SIPA1L3: variants seen among roughly 807,000 people sequenced by gnomAD.
SIPA1L3 encodes the protein signal induced proliferation associated 1 like 3, also known as signal-induced proliferation-associated 1-like protein 3.
Under a neutral mutation model 150.1 loss-of-function variants are expected in SIPA1L3, and 59 were observed. That is an observed-to-expected ratio of 0.39 (90% CI 0.32 to 0.49). SIPA1L3 has a LOEUF of 0.49. SIPA1L3 is among the 20% of genes least tolerant of loss of function. The pLI is 0.86. For missense variants in SIPA1L3, 2,211 were observed against 2,489.5 expected, an observed-to-expected ratio of 0.89 and a Z score of 2.38; for synonymous variants, 1,070 against 1,077.6, an observed-to-expected ratio of 0.99 and a Z score of 0.14.
At chr19:38,136,204 A>G (rs564175747) in intron 10 of SIPA1L3, among the ~76,000 whole-genome samples, 12 of 150,592 alleles carry the variant, frequency 8.0e-5, no homozygotes, top group South Asian at 2.1e-4. Flanking sequence ...AAAAAAAAAA[A>G]AAGAAGAATG....
At chr19:38,201,694 T>C (rs576828895) in intron 19 of SIPA1L3, among the ~76,000 whole-genome samples, 168 bp from the exon 20 acceptor site, 6 of 152,162 alleles carry the variant, frequency 3.9e-5, no homozygotes, top group Non-Finnish European at 8.8e-5. Flanking sequence ...TTGTTTTGTG[T>C]GTTCATTTGG....
intron 10 of SIPA1L3, among the ~76,000 whole-genome samples, chr19:38,140,940 C>A (rs566041187): frequency 6.6e-6 from 1 of 151,634 alleles, no homozygotes; most frequent in African/African-American, 2.4e-5. Context: ...TGCCTGTAGT[C>A]CCAGCTACTC....
At chr19:38,057,073 C>G (rs548773560) in intron 2 of SIPA1L3, among the ~76,000 whole-genome samples, 1 of 152,064 alleles carries the variant, frequency 6.6e-6, no homozygotes, top group African/African-American at 2.4e-5. Flanking sequence ...GGGTTCGAGA[C>G]CAGTCTGGCC....
At chr19:38,182,497 CT>C in intron 15 of SIPA1L3, 21 bp from the exon 16 acceptor site, 1 of 1,554,158 alleles carries the variant, frequency 6.4e-7, no homozygotes, top group Non-Finnish European at 8.8e-7. Flanking sequence ...TTTTTTTTAT[CT>C]CTTTCATTTT....
chr19:38,101,556 G>A (rs1015756908), intron 6 of SIPA1L3, among the ~76,000 whole-genome samples: 4 of 152,030 alleles, frequency 2.6e-5, no homozygotes, highest in Non-Finnish European at 5.9e-5. Flanking sequence ...GACTACAGGT[G>A]TGCACCACCA....
chr19:38,112,078 C>T lies in SIPA1L3; in HGVS notation c.2291+1694C>T, dbSNP rs557484170. On this transcript the variant is annotated intron_variant, in intron 8 of 21. Transcript: ENST00000222345. ...CACACACACGTATGCACACACCATG[C>T]GTCCGCACATGCACACACCTACATG... is the stretch of plus-strand genomic sequence containing the variant. Among the ~76,000 whole-genome samples, 662 of 139,188 alleles carry T rather than the reference C, an allele frequency of 4.8e-3. 6 individuals carry two copies. The highest frequency in any genetic ancestry group is 4.9e-3 in the Non-Finnish European group (324 of 66,464). The allele number at this position is 139,188 out of a possible 152,430, so 91.3% of individuals were successfully genotyped here.
intron 1 of SIPA1L3, among the ~76,000 whole-genome samples, chr19:37,959,690 A>C (rs1305709873): frequency 6.6e-6 from 1 of 151,362 alleles, no homozygotes; most frequent in African/African-American, 2.4e-5. Flanking sequence ...AACATCTGTC[A>C]TTTTTGCTGT....
chr19:37,988,039 G>A (rs1967406083), intron 1 of SIPA1L3, among the ~76,000 whole-genome samples: 1 of 152,150 alleles, frequency 6.6e-6, no homozygotes, highest in Admixed American at 6.5e-5. Context: ...TCCCCCTGCT[G>A]GTCCTGTCTG....
chr19:37,933,735 A>G (rs1391373425), intron 1 of SIPA1L3, among the ~76,000 whole-genome samples: 6 of 152,156 alleles, frequency 3.9e-5, no homozygotes, highest in Non-Finnish European at 8.8e-5. Flanking sequence ...TGCAGCATCC[A>G]GCCCTCTGCC....
intron 17 of SIPA1L3, 71 bp from the exon 18 acceptor site, chr19:38,193,466 A>C: frequency 7.2e-7 from 1 of 1,393,176 alleles, no homozygotes; most frequent in Non-Finnish European, 9.3e-7. Context: ...CCTAGAGGGG[A>C]AGATGCCTCT....
chr19:37,954,903 A>G (rs986898653), intron 1 of SIPA1L3, among the ~76,000 whole-genome samples: 4 of 152,088 alleles, frequency 2.6e-5, no homozygotes, highest in South Asian at 2.1e-4. Context: ...CAAGGACAAC[A>G]TGGTGAAACC....
chr19:38,142,356 G>A (rs1285065216), intron 11 of SIPA1L3, among the ~76,000 whole-genome samples: 1 of 152,092 alleles, frequency 6.6e-6, no homozygotes, highest in Admixed American at 6.6e-5. Context: ...GGGAAGAGGG[G>A]GCCCAGGAGC....
chr19:38,201,986 C>A lies in SIPA1L3; in HGVS notation c.5109C>A (p.Thr1703=), dbSNP rs1973098286. ...GGGGACCCCCGACCCCCAGGACCAC[C>A]CCTACCATGAGGTGAGGTTTCCCTG... is the stretch of plus-strand genomic sequence containing the variant. The part of the protein sequence containing the change: ...LERGPPTPRT[T]PTMSEEPPLD... The change falls in exon 20 of 22, where the codon ACC becomes ACA. Residue 1703 remains threonine (T), a synonymous_variant. Transcript: ENST00000222345. The A allele has an allele frequency of 1.9e-6, 3 of 1,610,682 alleles. No homozygotes were observed. The highest frequency in any genetic ancestry group is 1.1e-5 in the South Asian group (1 of 90,614).
intron 9 of SIPA1L3, among the ~76,000 whole-genome samples, chr19:38,122,476 C>G (rs1417282720): frequency 1.3e-5 from 2 of 152,150 alleles, no homozygotes; most frequent in Admixed American, 1.3e-4. Flanking sequence ...AGCGAGCCAC[C>G]CTGGTCTCTC....
At chr19:38,052,917 T>C (rs1455285148) in intron 2 of SIPA1L3, among the ~76,000 whole-genome samples, 1 of 152,194 alleles carries the variant, frequency 6.6e-6, no homozygotes, top group Non-Finnish European at 1.5e-5. Flanking sequence ...AGGAAAGCCC[T>C]CCTGAGGACA....
chr19:38,160,343 G>C (rs1234251203), intron 13 of SIPA1L3, among the ~76,000 whole-genome samples: 1 of 149,526 alleles, frequency 6.7e-6, no homozygotes, highest in Non-Finnish European at 1.5e-5. Context: ...CAAGATACTT[G>C]GTCCAGGCAT....
intron 12 of SIPA1L3, 137 bp downstream of exon 12, chr19:38,142,847 GC>G (rs1157552919): frequency 2.7e-6 from 3 of 1,103,992 alleles, no homozygotes; most frequent in Non-Finnish European, 3.9e-6. Flanking sequence ...CCTCAGAGGA[GC>G]CCCATGGGGT....
rs755649480 is a variant in SIPA1L3 at position 38,082,036 on chromosome 19, G to A, written c.471G>A (p.Arg157=). The A allele has an allele frequency of 6.2e-7, 1 of 1,614,030 alleles. No individual in the cohort carries two copies. The highest frequency in any genetic ancestry group is 1.1e-5 in the South Asian group (1 of 91,088). Residue 157 remains arginine, a synonymous_variant, in exon 3 of 22, where the codon CGG becomes CGA. Coordinates refer to ENST00000222345, the MANE Select transcript of SIPA1L3 (RefSeq NM_015073.3). ...KDVEFQDGWP[R]SPGRAFLPLR... ...TGGAGTTCCAGGACGGGTGGCCCCG[G>A]TCCCCCGGCAGGGCCTTCCTCCCCC...
chr19:37,988,712 A>C (rs1967424117), intron 1 of SIPA1L3, among the ~76,000 whole-genome samples: 4 of 152,196 alleles, frequency 2.6e-5, no homozygotes, highest in African/African-American at 9.7e-5. Flanking sequence ...AATAAGAATT[A>C]AAAAGAGGAA....
Sources: allele counts gnomAD v4.1 joint callset (sites outside exome capture counted in the v4.1 genomes callset), GRCh38; gene constraint gnomAD v4.1.1; transcripts MANE v1.5; gene names NCBI Gene and HGNC (gene_info 2026-07-23, HGNC 2026-07-21).